TWSG1: variants seen among roughly 807,000 people sequenced by gnomAD.
TWSG1 encodes the protein twisted gastrulation BMP signaling modulator 1, also known as twisted gastrulation protein homolog 1.
Under a neutral mutation model 23.0 loss-of-function variants are expected in TWSG1, and 15 were observed. That is an observed-to-expected ratio of 0.65 (90% CI 0.44 to 1.00). TWSG1 has a LOEUF of 1.00. Among genes scored for constraint, TWSG1 ranks in the 50% least tolerant of loss-of-function variants. The pLI, the probability that TWSG1 is intolerant of heterozygous loss-of-function variation, is 0.00. For synonymous variants in TWSG1, 86 were observed against 92.8 expected, an observed-to-expected ratio of 0.93 and a Z score of 0.42; for missense variants, 242 against 278.7, an observed-to-expected ratio of 0.87 and a Z score of 0.94.
intron 1 of TWSG1, 72 bp from the exon 2 acceptor site, chr18:9,337,121 T>C: frequency 7.6e-7 from 1 of 1,313,064 alleles, no homozygotes; most frequent in Non-Finnish European, 1.1e-6. Flanking sequence ...AGTTTATGTT[T>C]TGTTTCTCAT....
rs189724876 is a variant in TWSG1 at position 9,360,896 on chromosome 18, C to T, written c.223+825C>T. On this transcript the variant is annotated intron_variant, in intron 3 of 4. Coordinates refer to ENST00000262120, the MANE Select transcript of TWSG1 (RefSeq NM_020648.6). ...CTGCTTCCATAATTCTGAATAATAA[C>T]CCTATACTACTCTCTTGATTCTTTG... is the stretch of plus-strand genomic sequence containing the variant. 1.5e-3 allele frequency among the ~76,000 whole-genome samples: 235 copies of T among 152,260 alleles called. 3 individuals are homozygous for T. In the South Asian group the frequency reaches 0.022, roughly 14 times the overall value.
chr18:9,353,612 A>C (rs2040511682), intron 2 of TWSG1, among the ~76,000 whole-genome samples: 1 of 152,216 alleles, frequency 6.6e-6, no homozygotes, highest in African/African-American at 2.4e-5. Flanking sequence ...TAGCATAGTT[A>C]TTTACACATA....
At chr18:9,377,349 G>C (rs1188037821) in intron 3 of TWSG1, among the ~76,000 whole-genome samples, 2 of 151,954 alleles carry the variant, frequency 1.3e-5, no homozygotes, top group Admixed American at 6.6e-5. Flanking sequence ...CTCCGGAGTA[G>C]CTGGGATTAC....
chr18:9,384,740 G>T (rs769957678), intron 3 of TWSG1, among the ~76,000 whole-genome samples: 1 of 151,892 alleles, frequency 6.6e-6, no homozygotes, highest in Non-Finnish European at 1.5e-5. Flanking sequence ...CCGTCTCCTG[G>T]GTTTAAGCTA....
chr18:9,343,280 CATATATAAT>C, intron 2 of TWSG1, among the ~76,000 whole-genome samples: 1 of 124,482 alleles, frequency 8.0e-6, no homozygotes, highest in African/African-American at 2.9e-5. Flanking sequence ...AACATACATA[CATATATAAT>C]ATATACGTTT....
At chr18:9,379,380 T>G (rs1171764623) in intron 3 of TWSG1, among the ~76,000 whole-genome samples, 1 of 152,150 alleles carries the variant, frequency 6.6e-6, no homozygotes, top group Non-Finnish European at 1.5e-5. Context: ...TGGATGGAAC[T>G]GGAAGCCATT....
At chr18:9,346,616 A>T (rs1047113562) in intron 2 of TWSG1, among the ~76,000 whole-genome samples, 3 of 152,084 alleles carry the variant, frequency 2.0e-5, no homozygotes, top group Non-Finnish European at 4.4e-5. Context: ...AAGAAAAAAA[A>T]AGTCTTGAGT....
At chr18:9,356,709 A>G (rs1483990439) in intron 2 of TWSG1, among the ~76,000 whole-genome samples, 1 of 152,188 alleles carries the variant, frequency 6.6e-6, no homozygotes, top group Non-Finnish European at 1.5e-5. Flanking sequence ...CTTTCTGAGC[A>G]TTGACATGAC....
chr18:9,358,784 TG>T (rs2040538957), intron 2 of TWSG1, among the ~76,000 whole-genome samples: 1 of 152,250 alleles, frequency 6.6e-6, no homozygotes, highest in African/African-American at 2.4e-5. Flanking sequence ...ATGGTTTTGT[TG>T]ACCTGTGAAG....
chr18:9,341,847 G>A (rs892771309), intron 2 of TWSG1, among the ~76,000 whole-genome samples: 2 of 151,152 alleles, frequency 1.3e-5, no homozygotes, highest in Non-Finnish European at 2.9e-5. Flanking sequence ...CTATAAGTGA[G>A]TTTTAAGAAC....
At position 9,396,185 on chromosome 18, in the gene TWSG1, A is replaced by G. The variant is rs2040734644; in HGVS notation, c.224-95A>G. On this transcript the variant is annotated intron_variant, in intron 3 of 4. Coordinates refer to ENST00000262120, the MANE Select transcript of TWSG1 (RefSeq NM_020648.6). ...AAAAAAAAAAGGTAGGAAAATATCC[A>G]TGTGTAATCCTAGAAGTTACATAAT... 6 of 908,274 alleles carry G rather than the reference A, an allele frequency of 6.6e-6. No individual in the cohort carries two copies. In the South Asian group the frequency reaches 1.1e-4, roughly 17 times the overall value. 56.3% of individuals were successfully genotyped at this position (908,274 alleles called of 1,614,324 possible).
At chr18:9,393,349 A>T (rs578027914) in intron 3 of TWSG1, among the ~76,000 whole-genome samples, 1 of 152,368 alleles carries the variant, frequency 6.6e-6, no homozygotes, top group African/African-American at 2.4e-5. Context: ...TCATTTCCTT[A>T]GCTCCCAAGT....
chr18:9,334,836 A>C lies in TWSG1; in HGVS notation c.-122A>C, dbSNP rs1185222439. The C allele has an allele frequency of 2.0e-5, 3 of 148,740 alleles. No individual in the cohort carries two copies. The highest frequency in any genetic ancestry group is 1.3e-4 in the Admixed American group (2 of 15,030). 9.2% of individuals were successfully genotyped at this position (148,740 alleles called of 1,614,324 possible). Reference sequence around the variant, plus strand: ...GGCGGGAGGCGCGGCCTGGCCTCGCACTCAAAGCCGCCGCAGCGCGCCCCG... The same window carrying C: ...GGCGGGAGGCGCGGCCTGGCCTCGCCCTCAAAGCCGCCGCAGCGCGCCCCG... On this transcript the variant is annotated 5_prime_UTR_variant, in exon 1 of 5. Coordinates refer to ENST00000262120, the MANE Select transcript of TWSG1 (RefSeq NM_020648.6). This position sits in a 1 kb window ranked among gnomAD's most constrained non-coding sequence, Gnocchi z 4.7.
At chr18:9,346,617 A>G (rs780640366) in intron 2 of TWSG1, among the ~76,000 whole-genome samples, 104 of 152,220 alleles carry the variant, frequency 6.8e-4, no homozygotes, top group Middle Eastern at 3.4e-3. Context: ...AGAAAAAAAA[A>G]GTCTTGAGTG....
chr18:9,369,108 AAAACAAAC>A (rs1308534248), intron 3 of TWSG1, among the ~76,000 whole-genome samples: 2 of 130,010 alleles, frequency 1.5e-5, no homozygotes, highest in Non-Finnish European at 3.2e-5. Flanking sequence ...ACTCTGTCTC[AAAACAAAC>A]AAACAAACAA....
intron 3 of TWSG1, among the ~76,000 whole-genome samples, chr18:9,369,916 C>T (rs915605511): frequency 6.6e-6 from 1 of 152,184 alleles, no homozygotes; most frequent in Non-Finnish European, 1.5e-5. Context: ...TAGATTGTCT[C>T]TTCACTATAT....
intron 2 of TWSG1, among the ~76,000 whole-genome samples, chr18:9,357,183 T>G (rs1269041177): frequency 1.3e-5 from 2 of 152,210 alleles, no homozygotes; most frequent in African/African-American, 4.8e-5. Flanking sequence ...TCTCTGCCCT[T>G]TCAGTCCCTC....
intron 2 of TWSG1, among the ~76,000 whole-genome samples, chr18:9,340,645 G>A (rs971277910): frequency 6.6e-6 from 1 of 152,164 alleles, no homozygotes; most frequent in Non-Finnish European, 1.5e-5. Flanking sequence ...TTCTGAGCAG[G>A]GCTCTGCGGA....
intron 3 of TWSG1, among the ~76,000 whole-genome samples, chr18:9,372,040 C>T (rs945603568): frequency 2.0e-5 from 3 of 152,110 alleles, no homozygotes; most frequent in African/African-American, 7.2e-5. Flanking sequence ...GCTGGGATTA[C>T]AGCCGTGAGC....
Sources: allele counts gnomAD v4.1 joint callset (sites outside exome capture counted in the v4.1 genomes callset), GRCh38; gene constraint gnomAD v4.1.1; non-coding constraint Gnocchi (gnomAD v3.1); transcripts MANE v1.5; gene names NCBI Gene and HGNC (gene_info 2026-07-23, HGNC 2026-07-21).